Variants in GRIK1 observed in about 807,000 individuals in gnomAD.
GRIK1 encodes glutamate receptor ionotropic, kainate 1.
A neutral mutation model predicts 105.7 loss-of-function variants in GRIK1; 69 were observed. That is an observed-to-expected ratio of 0.65 (90% CI 0.54 to 0.80). GRIK1 has a LOEUF of 0.80. Ranked by LOEUF, GRIK1 falls within the 30% of genes least tolerant of loss-of-function variation. GRIK1 has a pLI of 0.00. For missense variants in GRIK1, 1,109 were observed against 1,167.3 expected (o/e 0.95, Z 0.73); for synonymous variants, 438 against 431.3 (o/e 1.02, Z -0.19).
chr21:29,908,409 T>C (rs996968764), intron 1 of GRIK1, among the ~76,000 whole-genome samples: 4 of 152,190 alleles, frequency 2.6e-5, no homozygotes, highest in African/African-American at 4.8e-5. Flanking sequence ...GAATCTACCT[T>C]GGTCCAATTT....
chr21:29,862,624 A>C (rs1429204098), intron 1 of GRIK1, among the ~76,000 whole-genome samples: 1 of 152,178 alleles, frequency 6.6e-6, no homozygotes, highest in Non-Finnish European at 1.5e-5. Flanking sequence ...ATTTATCATG[A>C]CATCTTGGAC....
At position 29,614,950 on chromosome 21, in the gene GRIK1, C is replaced by A. The variant is rs61066981; in HGVS notation, c.1099-16013G>T. Among the ~76,000 whole-genome samples, 1,281 of 151,644 alleles carry A rather than the reference C, an allele frequency of 8.4e-3. 77 individuals carry two copies. The highest frequency in any genetic ancestry group is 0.03 in the African/African-American group (1,228 of 40,934). On this transcript the variant is annotated intron_variant, in intron 7 of 17. Coordinates refer to ENST00000327783, the MANE Select transcript of GRIK1 (RefSeq NM_001330994.2). ...CTTACTTGATAGAAAGCGAGCATCA[C>A]AAAGGCAGGGATGGGTATCTCTTGT...
At chr21:29,636,162 C>G (rs536115033) in intron 7 of GRIK1, among the ~76,000 whole-genome samples, 13 of 152,270 alleles carry the variant, frequency 8.5e-5, no homozygotes, top group East Asian at 3.9e-4. Flanking sequence ...ATTCATCCCC[C>G]CTCCGTCATG....
intron 1 of GRIK1, among the ~76,000 whole-genome samples, chr21:29,922,970 C>T (rs369879016): frequency 3.8e-4 from 58 of 152,266 alleles, no homozygotes; most frequent in African/African-American, 1.3e-3. Context: ...AATCACCCTT[C>T]TTCTTTCTTT....
chr21:29,928,119 A>G (rs1470442646), intron 1 of GRIK1, among the ~76,000 whole-genome samples: 1 of 152,152 alleles, frequency 6.6e-6, no homozygotes, highest in East Asian at 1.9e-4. Flanking sequence ...GCTAAGAAAA[A>G]AGTTTGGGCA....
chr21:29,747,789 A>G (rs1569043292), intron 1 of GRIK1, among the ~76,000 whole-genome samples: 1 of 152,222 alleles, frequency 6.6e-6, no homozygotes, highest in Non-Finnish European at 1.5e-5. Context: ...AGATTGCACC[A>G]CTGCACTTCA....
At chr21:29,636,790 A>T (rs2062406181) in intron 7 of GRIK1, among the ~76,000 whole-genome samples, 1 of 152,194 alleles carries the variant, frequency 6.6e-6, no homozygotes, top group Non-Finnish European at 1.5e-5. Context: ...TACCAAGATA[A>T]ACTATCTGAA....
At chr21:29,675,470 G>T (rs961256660) in intron 3 of GRIK1, among the ~76,000 whole-genome samples, 6 of 152,042 alleles carry the variant, frequency 3.9e-5, no homozygotes, top group African/African-American at 9.7e-5. Flanking sequence ...GTGCTTCAAT[G>T]AACTGCTCTC....
At chr21:29,759,790 T>C (rs1373604785) in intron 1 of GRIK1, among the ~76,000 whole-genome samples, 1 of 152,248 alleles carries the variant, frequency 6.6e-6, no homozygotes, top group Admixed American at 6.5e-5. Flanking sequence ...AGCTGATCTC[T>C]CTTCCCTCTG....
intron 1 of GRIK1, among the ~76,000 whole-genome samples, chr21:29,935,435 G>A (rs181739209): frequency 2.0e-3 from 298 of 152,208 alleles, no homozygotes; most frequent in Middle Eastern, 3.4e-3. Context: ...GTTGAATGAA[G>A]AATGAATATT....
At chr21:29,780,597 T>C (rs935440587) in intron 1 of GRIK1, among the ~76,000 whole-genome samples, 1 of 152,168 alleles carries the variant, frequency 6.6e-6, no homozygotes, top group Non-Finnish European at 1.5e-5. Context: ...CAGAAGCCGT[T>C]CAATCAAAGC....
chr21:29,782,138 G>A (rs942832656), intron 1 of GRIK1, among the ~76,000 whole-genome samples: 3 of 145,082 alleles, frequency 2.1e-5, no homozygotes, highest in Admixed American at 6.8e-5. Flanking sequence ...CCAGGCTGGA[G>A]TGCAGTGGCG....
intron 16 of GRIK1, among the ~76,000 whole-genome samples, chr21:29,541,999 T>C (rs1216757705): frequency 6.6e-6 from 1 of 151,548 alleles, no homozygotes; most frequent in East Asian, 1.9e-4. Context: ...TTGCCATTTA[T>C]GCTGTTTCTG....
At chr21:29,670,707 G>T (rs2063146482) in intron 4 of GRIK1, among the ~76,000 whole-genome samples, 1 of 152,156 alleles carries the variant, frequency 6.6e-6, no homozygotes, top group African/African-American at 2.4e-5. Flanking sequence ...ATGCTTCTTT[G>T]CCTTTTGAGG....
At chr21:29,575,970 T>C (rs913183683) in intron 14 of GRIK1, among the ~76,000 whole-genome samples, 2 of 152,210 alleles carry the variant, frequency 1.3e-5, no homozygotes, top group Non-Finnish European at 2.9e-5. Flanking sequence ...AGGGTGTTTT[T>C]AGAGATTATT....
intron 1 of GRIK1, among the ~76,000 whole-genome samples, chr21:29,938,901 T>C (rs1220511171): frequency 6.6e-6 from 1 of 152,156 alleles, no homozygotes; most frequent in Non-Finnish European, 1.5e-5. Context: ...GGCTCTAGGA[T>C]ATTCCCACAT....
At chr21:29,707,738 T>G (rs2063953058) in intron 1 of GRIK1, among the ~76,000 whole-genome samples, 3 of 152,092 alleles carry the variant, frequency 2.0e-5, no homozygotes, top group Admixed American at 2.0e-4. Flanking sequence ...TGCCTCGGCC[T>G]CCCAAAGTGC....
chr21:29,831,051 A>G (rs770665202), intron 1 of GRIK1, among the ~76,000 whole-genome samples: 2 of 152,172 alleles, frequency 1.3e-5, no homozygotes, highest in Non-Finnish European at 2.9e-5. Context: ...AAATCTGCTC[A>G]TTTAAGGTGT....
chr21:29,869,629 G>C (rs1444731434), intron 1 of GRIK1, among the ~76,000 whole-genome samples: 7 of 152,154 alleles, frequency 4.6e-5, no homozygotes, highest in Admixed American at 2.6e-4. Flanking sequence ...AGTAAATTGG[G>C]AAGCAGTGTG....
Sources: gnomAD v4.1 joint callset for allele counts (sites outside exome capture counted in the v4.1 genomes callset) on GRCh38, gnomAD v4.1.1 for gene constraint, MANE v1.5 for transcripts, NCBI Gene and HGNC (gene_info 2026-07-23, HGNC 2026-07-21) for gene names.